C18orf63: variants seen among roughly 807,000 people sequenced by gnomAD.
C18orf63 encodes uncharacterized protein C18orf63.
C18orf63 carries 50 observed loss-of-function variants against 75.3 expected under a neutral mutation model. The observed-to-expected ratio is 0.66, with a 90% confidence interval of 0.53 to 0.84. The LOEUF (loss-of-function observed/expected upper bound fraction) is 0.84. C18orf63 is among the 40% of genes least tolerant of loss of function. C18orf63 has a pLI of 0.00. For missense variants in C18orf63, 732 were observed against 800.2 expected (o/e 0.91, Z 1.03); for synonymous variants, 232 against 267.6 (o/e 0.87, Z 1.30).
At position 74,358,747 on chromosome 18, in the gene C18orf63, T is replaced by C. The variant is rs1296847336; in HGVS notation, c.*2300T>C. The stretch of plus-strand genomic sequence containing the variant: ...AAATCAGCGATTACTTTAAAAAATA[T>C]ATGGCAATGTCAAAATAAATGCCAA... On this transcript the variant is annotated 3_prime_UTR_variant, in exon 14 of 14. Transcript: ENST00000579455. 6.6e-6 allele frequency: 1 copy of C among 152,142 alleles called. No homozygotes were observed. The highest frequency in any genetic ancestry group is 2.4e-5 in the African/African-American group (1 of 41,458). 9.4% of individuals were successfully genotyped at this position (152,142 alleles called of 1,614,324 possible).
chr18:74,354,857 G>C (rs530030179), intron 13 of C18orf63, among the ~76,000 whole-genome samples: 16 of 152,292 alleles, frequency 1.1e-4, no homozygotes, highest in Admixed American at 6.5e-4. Flanking sequence ...TCTAAAAATA[G>C]AAGATTTGAA....
chr18:74,322,807 G>A (rs1404220168), intron 4 of C18orf63, 53 bp downstream of exon 4: 8 of 608,872 alleles, frequency 1.3e-5, no homozygotes, highest in African/African-American at 1.9e-5. Context: ...GGGATTATAC[G>A]TTCCACTCCT....
intron 7 of C18orf63, among the ~76,000 whole-genome samples, chr18:74,332,720 A>G (rs868312850): frequency 0.039 from 1,479 of 38,082 alleles, 23 homozygotes; most frequent in African/African-American, 0.079. Context: ...TTAGAGGGGA[A>G]AAAAAAAAAA....
intron 4 of C18orf63, among the ~76,000 whole-genome samples, chr18:74,322,974 A>C (rs368936342): frequency 1.3e-3 from 198 of 152,320 alleles, no homozygotes; most frequent in African/African-American, 4.5e-3. Flanking sequence ...CAGGCATTTT[A>C]TGTGGCATAA....
chr18:74,331,647 C>T (rs1181619951), intron 7 of C18orf63, among the ~76,000 whole-genome samples: 1 of 152,038 alleles, frequency 6.6e-6, no homozygotes, highest in East Asian at 1.9e-4. Context: ...GAATATCTTC[C>T]CCTGCACAGG....
intron 8 of C18orf63, among the ~76,000 whole-genome samples, chr18:74,341,270 CAAAAAAAAAAAAAAAA>C (rs58362707): frequency 1.0e-4 from 6 of 58,986 alleles, no homozygotes; most frequent in Admixed American, 3.1e-4. Flanking sequence ...GACTCCGTCT[CAAAAAAAAAAAAAAAA>C]AAAAAAAAAA....
intron 13 of C18orf63, among the ~76,000 whole-genome samples, chr18:74,355,506 A>AT (rs1555694689): frequency 6.6e-6 from 1 of 151,960 alleles, no homozygotes; most frequent in Non-Finnish European, 1.5e-5. Context: ...GTCATCCAGG[A>AT]GGGGGGGCTT....
chr18:74,331,742 A>G (rs75353633), intron 7 of C18orf63, among the ~76,000 whole-genome samples: 1 of 152,274 alleles, frequency 6.6e-6, no homozygotes, highest in East Asian at 1.9e-4. Context: ...CATAGAACAA[A>G]TGATGCTTTC....
intron 1 of C18orf63, 69 bp from the exon 2 acceptor site, chr18:74,317,765 T>C (rs915679247): frequency 2.3e-6 from 2 of 865,302 alleles, no homozygotes; most frequent in Admixed American, 3.4e-5. Context: ...AAATATTGTG[T>C]GCTGACTTGG....
chr18:74,344,355 CTACTGAGTTTGTCT>C (rs1568239139), intron 11 of C18orf63, among the ~76,000 whole-genome samples: 53 of 151,956 alleles, frequency 3.5e-4, no homozygotes, highest in African/African-American at 1.3e-3. Flanking sequence ...AGGGTGTTTT[CTACTGAGTTTGTCT>C]CCTCTGCATT....
chr18:74,336,771 T>G (rs1015626870), intron 7 of C18orf63, among the ~76,000 whole-genome samples: 4 of 152,116 alleles, frequency 2.6e-5, no homozygotes, highest in African/African-American at 9.7e-5. Context: ...ACCCCAAATC[T>G]GTTCCCCCTG....
At chr18:74,334,532 TG>T (rs1364458826) in intron 7 of C18orf63, among the ~76,000 whole-genome samples, 1 of 152,154 alleles carries the variant, frequency 6.6e-6, no homozygotes, top group African/African-American at 2.4e-5. Context: ...AGGGGTTTTT[TG>T]TTTGTTTTTT....
intron 3 of C18orf63, among the ~76,000 whole-genome samples, chr18:74,321,906 C>T (rs1365087648): frequency 6.6e-6 from 1 of 151,986 alleles, no homozygotes; most frequent in Non-Finnish European, 1.5e-5. Context: ...CATTCATTTC[C>T]CCTTTAACAA....
chr18:74,333,155 G>A (rs1568236836), intron 7 of C18orf63, among the ~76,000 whole-genome samples: 2 of 152,144 alleles, frequency 1.3e-5, no homozygotes, highest in Non-Finnish European at 2.9e-5. Context: ...AGCTCTTGGA[G>A]GACATGGTTT....
At chr18:74,326,172 T>C (rs1371947032) in intron 4 of C18orf63, among the ~76,000 whole-genome samples, 1 of 152,218 alleles carries the variant, frequency 6.6e-6, no homozygotes, top group Non-Finnish European at 1.5e-5. Flanking sequence ...AAATTCTGTA[T>C]GAGACAAACT....
chr18:74,352,823 C>A (rs1407739654), intron 11 of C18orf63, among the ~76,000 whole-genome samples: 2 of 152,126 alleles, frequency 1.3e-5, no homozygotes, highest in African/African-American at 4.8e-5. Context: ...TAATTGATAG[C>A]AGATCCTTGG....
At chr18:74,323,276 C>G (rs1423941574) in intron 4 of C18orf63, among the ~76,000 whole-genome samples, 1 of 152,166 alleles carries the variant, frequency 6.6e-6, no homozygotes, top group Non-Finnish European at 1.5e-5. Context: ...TTGGTTATCC[C>G]AGAAGCAACA....
chr18:74,326,272 G>C (rs368908770), intron 4 of C18orf63, among the ~76,000 whole-genome samples: 2 of 152,350 alleles, frequency 1.3e-5, no homozygotes, highest in African/African-American at 4.8e-5. Context: ...AAAAATTAGA[G>C]ATGGATAATA....
intron 11 of C18orf63, among the ~76,000 whole-genome samples, chr18:74,344,197 G>C (rs1218339838): frequency 6.6e-6 from 1 of 152,240 alleles, no homozygotes; most frequent in South Asian, 2.1e-4. Context: ...ATAATTGGCT[G>C]TCTGCTAATG....
Sources: allele counts gnomAD v4.1 joint callset (sites outside exome capture counted in the v4.1 genomes callset), GRCh38; gene constraint gnomAD v4.1.1; transcripts MANE v1.5; gene names NCBI Gene and HGNC (gene_info 2026-07-23, HGNC 2026-07-21).